RPS6KC1: variants seen among roughly 807,000 people sequenced by gnomAD.
The protein encoded by RPS6KC1 is ribosomal protein S6 kinase C1, also known as inactive ribosomal protein S6 kinase delta-1.
Under a neutral mutation model 103.8 loss-of-function variants are expected in RPS6KC1, and 54 were observed. That is an observed-to-expected ratio of 0.52 (90% CI 0.42 to 0.65). The LOEUF is 0.65. RPS6KC1 is among the 30% of genes least tolerant of loss of function. RPS6KC1 has a pLI of 0.00. For missense variants in RPS6KC1, 1,151 were observed against 1,253.8 expected, an observed-to-expected ratio of 0.92 and a Z score of 1.24; for synonymous variants, 439 against 438.7, an observed-to-expected ratio of 1.00 and a Z score of -0.01.
chr1:213,655,429 C>T, the RPS6KC1 span, among the ~76,000 whole-genome samples: 6 of 152,234 alleles, frequency 3.9e-5, no homozygotes, highest in African/African-American at 1.4e-4. Flanking sequence ...TGTGTTCGGA[C>T]ATCCAACATA....
the RPS6KC1 span, among the ~76,000 whole-genome samples, chr1:213,397,430 C>T: frequency 6.6e-6 from 1 of 151,776 alleles, no homozygotes; most frequent in African/African-American, 2.4e-5. Flanking sequence ...ATTTTTTTTG[C>T]ACTGTTTTCA....
At chr1:213,477,969 G>A in the RPS6KC1 span, among the ~76,000 whole-genome samples, 25 of 152,146 alleles carry the variant, frequency 1.6e-4, no homozygotes, top group East Asian at 2.7e-3. Flanking sequence ...TGTATCCATC[G>A]TTATAGCATC....
chr1:213,727,717 G>GA, the RPS6KC1 span, among the ~76,000 whole-genome samples: 4 of 151,180 alleles, frequency 2.6e-5, no homozygotes, highest in South Asian at 2.1e-4. Context: ...AAAGATATAT[G>GA]AAAAAAAAAT....
the RPS6KC1 span, among the ~76,000 whole-genome samples, chr1:213,804,551 T>A: frequency 6.6e-6 from 1 of 152,214 alleles, no homozygotes; most frequent in African/African-American, 2.4e-5. Flanking sequence ...CTCTCTGCCA[T>A]CTCCCCTGGG....
chr1:213,073,274 G>T (rs1202068576), intron 2 of RPS6KC1, among the ~76,000 whole-genome samples: 1 of 152,156 alleles, frequency 6.6e-6, no homozygotes, highest in Admixed American at 6.5e-5. Context: ...GGCTATTGAG[G>T]ACTAGATGTA....
At chr1:213,676,533 G>A in the RPS6KC1 span, among the ~76,000 whole-genome samples, 1 of 152,210 alleles carries the variant, frequency 6.6e-6, no homozygotes, top group Non-Finnish European at 1.5e-5. Flanking sequence ...GTTGGGAGTT[G>A]AACTCTAATT....
chr1:213,198,832 C>G (rs889791703), intron 8 of RPS6KC1, among the ~76,000 whole-genome samples: 1 of 152,110 alleles, frequency 6.6e-6, no homozygotes, highest in Admixed American at 6.5e-5. Flanking sequence ...ACTTCTAACT[C>G]ATTATATGAG....
At chr1:213,480,253 A>G in the RPS6KC1 span, among the ~76,000 whole-genome samples, 1 of 152,088 alleles carries the variant, frequency 6.6e-6, no homozygotes, top group South Asian at 2.1e-4. Flanking sequence ...ATCTCTCATC[A>G]TTTATTCCAG....
the RPS6KC1 span, among the ~76,000 whole-genome samples, chr1:213,398,060 C>T: frequency 3.7e-4 from 56 of 151,710 alleles, no homozygotes; most frequent in African/African-American, 1.3e-3. Flanking sequence ...GAGATGGAGT[C>T]TTGCTCTGTC....
the RPS6KC1 span, chr1:213,821,025 G>A: frequency 2.6e-5 from 4 of 152,128 alleles, no homozygotes; most frequent in Non-Finnish European, 4.4e-5. Context: ...AAGTTCCTAA[G>A]GTGATGCAAG....
chr1:213,497,935 C>T, the RPS6KC1 span, among the ~76,000 whole-genome samples: 102,032 of 151,794 alleles, frequency 0.67, 34,695 homozygotes, highest in East Asian at 0.98. Flanking sequence ...CTAATAATTA[C>T]AAAATTGTGT....
At chr1:213,609,260 A>G in the RPS6KC1 span, among the ~76,000 whole-genome samples, 5 of 152,250 alleles carry the variant, frequency 3.3e-5, no homozygotes, top group Non-Finnish European at 7.3e-5. Flanking sequence ...GTAACAATCT[A>G]GAATTTCAGG....
chr1:213,157,398 G>A (rs981397778), intron 6 of RPS6KC1, among the ~76,000 whole-genome samples: 2 of 151,756 alleles, frequency 1.3e-5, no homozygotes, highest in African/African-American at 2.4e-5. Context: ...TAGTAGAGAC[G>A]GGGTTTCACC....
downstream of RPS6KC1, among the ~76,000 whole-genome samples, chr1:213,278,431 G>A (rs76235785): frequency 9.5e-3 from 1,444 of 152,270 alleles, 25 homozygotes; most frequent in African/African-American, 0.033. Flanking sequence ...GGTAATGTTT[G>A]CAAGACATTT....
the RPS6KC1 span, among the ~76,000 whole-genome samples, chr1:213,572,734 A>G: frequency 1.3e-5 from 2 of 152,312 alleles, no homozygotes; most frequent in Admixed American, 6.5e-5. Flanking sequence ...TTGTGACAGG[A>G]GATGGATGTT....
the RPS6KC1 span, among the ~76,000 whole-genome samples, chr1:213,656,506 A>G: frequency 6.6e-6 from 1 of 152,222 alleles, no homozygotes; most frequent in African/African-American, 2.4e-5. Context: ...AATCACAGGT[A>G]GGACCCTTAA....
the RPS6KC1 span, among the ~76,000 whole-genome samples, chr1:213,474,621 T>C: frequency 1.3e-5 from 2 of 152,184 alleles, no homozygotes; most frequent in Non-Finnish European, 2.9e-5. Flanking sequence ...TCTTGGTGAT[T>C]TCGTCTTTTT....
the RPS6KC1 span, among the ~76,000 whole-genome samples, chr1:213,304,268 A>G: frequency 6.6e-6 from 1 of 151,784 alleles, no homozygotes; most frequent in Admixed American, 6.6e-5. Context: ...TTAACCCAGG[A>G]CATACTCTGG....
chr1:213,271,862 G>T lies in RPS6KC1; in HGVS notation c.3091-662G>T, dbSNP rs139154583. On this transcript the variant is annotated intron_variant, in intron 14 of 14. Coordinates refer to ENST00000366960, the MANE Select transcript of RPS6KC1 (RefSeq NM_012424.6). ...AGTCATCAAATTGTACACTTATAAG[G>T]GATGAATTTATATAAATTATCCTTC... Among the ~76,000 whole-genome samples, 216 of 151,778 alleles carry T rather than the reference G, an allele frequency of 1.4e-3. 1 individual carries two copies. The highest frequency in any genetic ancestry group is 5.0e-3 in the African/African-American group (206 of 41,334).
Sources: gnomAD v4.1 joint callset for allele counts (sites outside exome capture counted in the v4.1 genomes callset) on GRCh38, gnomAD v4.1.1 for gene constraint, MANE v1.5 for transcripts, NCBI Gene and HGNC (gene_info 2026-07-23, HGNC 2026-07-21) for gene names.